METTL2A: variants seen among roughly 807,000 people sequenced by gnomAD.
The protein encoded by METTL2A is methyltransferase 2A, tRNA N3-cytidine.
In METTL2A, 45 loss-of-function variants were observed where a neutral mutation model predicts 49.4. The ratio of observed to expected loss-of-function variants is 0.91; its 90% CI spans 0.72 to 1.17. METTL2A has a LOEUF of 1.17. Among genes scored for constraint, METTL2A ranks in the 50% most tolerant of loss-of-function variants. The pLI is 0.00. For synonymous variants in METTL2A, 118 were observed against 167.5 expected (o/e 0.70, Z 2.28); for missense variants, 361 against 462.2 (o/e 0.78, Z 2.01).
chr17:62,452,706 C>T lies in METTL2A; in HGVS notation c.*3977C>T, dbSNP rs1162640062. Among the ~76,000 whole-genome samples, 1 of 152,190 alleles carries T rather than the reference C, an allele frequency of 6.6e-6. No individual in the cohort carries two copies. The highest frequency in any genetic ancestry group is 2.4e-5 in the African/African-American group (1 of 41,448). On this transcript the variant is annotated 3_prime_UTR_variant, in exon 9 of 9. Coordinates refer to ENST00000311506, the MANE Select transcript of METTL2A (RefSeq NM_181725.4). ...ACTGCTCACTGCAGCCTCGACCTCCCAGGCTCAGGTGATTCTCCCACCCCA... is the reference window on the plus strand; with the variant it reads ...ACTGCTCACTGCAGCCTCGACCTCCTAGGCTCAGGTGATTCTCCCACCCCA...
chr17:62,445,333 A>T (rs1191651792), intron 7 of METTL2A, among the ~76,000 whole-genome samples: 1 of 152,106 alleles, frequency 6.6e-6, no homozygotes, highest in Non-Finnish European at 1.5e-5. Flanking sequence ...TAATCAAAAA[A>T]TGGTGCTGCC....
At position 62,440,770 on chromosome 17, in the gene METTL2A, C is replaced by T. The variant is rs931392357; in HGVS notation, c.809+14C>T. 1 of 1,606,242 alleles carries T rather than the reference C, an allele frequency of 6.2e-7. No homozygotes were observed. The highest frequency in any genetic ancestry group is 8.5e-7 in the Non-Finnish European group (1 of 1,177,938). On this transcript the variant is annotated intron_variant, in intron 6 of 8. Transcript: ENST00000311506. ...TGTTCCAGACAAGTAAGTTTGGGTC[C>T]CTTGGCTGGTAGTGTCACAAAAAGG... is the stretch of plus-strand genomic sequence containing the variant.
rs370645522 is a variant in METTL2A, at chr17:62,427,741, A to T, written c.559-47A>T. 4.3e-6 allele frequency: 7 copies of T among 1,612,270 alleles called. No homozygotes were observed. The African/African-American group carries it at 8.0e-5, about 18-fold the overall frequency. On this transcript the variant is annotated intron_variant, in intron 3 of 8. Coordinates refer to ENST00000311506, the MANE Select transcript of METTL2A (RefSeq NM_181725.4). ...TTTCTAGCTTTTCTAGCTTTAGGGA[A>T]TTAACTCTGGAAAGTTCTGTGATTA...
chr17:62,430,505 C>T (rs1253782793), intron 4 of METTL2A, among the ~76,000 whole-genome samples: 1 of 152,120 alleles, frequency 6.6e-6, no homozygotes, highest in Non-Finnish European at 1.5e-5. Flanking sequence ...CAAGAGTGTG[C>T]CCTATAAAGT....
At position 62,440,741 on chromosome 17, in the gene METTL2A, C is replaced by T. The variant is rs202160522; in HGVS notation, c.794C>T (p.Ala265Val). 379 of 1,613,818 alleles carry T rather than the reference C, an allele frequency of 2.3e-4. No individual in the cohort carries two copies. The highest frequency in any genetic ancestry group is 3.1e-4 in the Non-Finnish European group (364 of 1,179,952). Residue 265 changes from alanine (A) to valine (V), a missense_variant, in exon 6 of 9, where the codon GCA (alanine) becomes GTA (valine). Ala to Val is a moderately conservative substitution (Grantham distance 64). Transcript: ENST00000311506. ...ATCATTCTCATATTTGTTCTTTCAG[C>T]AATTGTTCCAGACAAGTAAGTTTGG... The part of the protein sequence containing the change: ...DIIILIFVLS[A>V]IVPDKMQKAI...
Position 62,448,779 on chromosome 17 carries a change from T to TC in METTL2A, c.*50_*51insC. ...CAAGCCCATTGTGTTTCCGGGCTTTTTTAAAAAAAAAATTGTAGCACTGGG... is the reference window on the plus strand; with the variant it reads ...CAAGCCCATTGTGTTTCCGGGCTTTTCTTAAAAAAAAAATTGTAGCACTGGG... On this transcript the variant is annotated 3_prime_UTR_variant, in exon 9 of 9. Transcript: ENST00000311506. The TC allele has an allele frequency of 6.3e-7, 1 of 1,598,988 alleles. No individual in the cohort carries two copies. The highest frequency in any genetic ancestry group is 1.1e-5 in the South Asian group (1 of 89,300).
intron 7 of METTL2A, among the ~76,000 whole-genome samples, chr17:62,446,439 T>C (rs1217780398): frequency 6.6e-6 from 1 of 152,188 alleles, no homozygotes; most frequent in Non-Finnish European, 1.5e-5. Context: ...GCCTCCCGAA[T>C]AGCCGAGACT....
intron 4 of METTL2A, among the ~76,000 whole-genome samples, chr17:62,433,433 CA>C (rs567017864): frequency 1.0e-4 from 15 of 143,002 alleles, no homozygotes; most frequent in East Asian, 6.1e-4. Flanking sequence ...AACTCCATCT[CA>C]AAAAAAAAAG....
chr17:62,441,898 G>C (rs1210554299), intron 6 of METTL2A, among the ~76,000 whole-genome samples: 2 of 150,202 alleles, frequency 1.3e-5, no homozygotes, highest in Middle Eastern at 3.7e-3. Flanking sequence ...ACGCCACCAT[G>C]CCTGGCTAAT....
In METTL2A at chr17:62,448,652, C is replaced by T. The variant is rs528434306; in HGVS notation, c.1060C>T (p.Arg354Ter). 1.4e-5 allele frequency: 23 copies of T among 1,614,026 alleles called. No individual in the cohort carries two copies. Among genetic ancestry groups the T allele is most frequent in the Admixed American group, 5.0e-5 (3 of 59,968 alleles). Reference sequence around the variant, plus strand: ...GGTGGATCGCCGACTGCAGGTGAACCGAGGAAAGCAACTGACAATGTACCG... The same window carrying T: ...GGTGGATCGCCGACTGCAGGTGAACTGAGGAAAGCAACTGACAATGTACCG... ...NLVDRRLQVN[R>*]GKQLTMYRVW... The change falls in exon 9 of 9, where the codon CGA becomes TGA. Residue 354 changes from arginine (R) to a stop codon, truncating the protein, a stop_gained. Coordinates refer to ENST00000311506, the MANE Select transcript of METTL2A (RefSeq NM_181725.4). LOFTEE classifies it high-confidence loss of function.
chr17:62,425,460 C>A (rs1385326833), intron 2 of METTL2A, among the ~76,000 whole-genome samples: 2 of 142,466 alleles, frequency 1.4e-5, no homozygotes, highest in Admixed American at 1.5e-4. Context: ...GATCTCAGCT[C>A]GCTGCAATCT....
rs12601844 is a variant in METTL2A, at chr17:62,434,710, T to C, written c.609-522T>C. ...ACCAAGAAAAATAAGCACAGGGATT[T>C]TGTGTTGTTCATCTTTATCTCCTCA... On this transcript the variant is annotated intron_variant, in intron 4 of 8. Coordinates refer to ENST00000311506, the MANE Select transcript of METTL2A (RefSeq NM_181725.4). Among the ~76,000 whole-genome samples, 1,297 of 152,310 alleles carry C rather than the reference T, an allele frequency of 8.5e-3. 61 individuals carry two copies. In the East Asian group the frequency reaches 0.14, roughly 16 times the overall value.
At position 62,450,208 on chromosome 17, in the gene METTL2A, A is replaced by G. The variant is rs2070797007; in HGVS notation, c.*1479A>G. 7.0e-6 allele frequency: 1 copy of G among 142,940 alleles called. No individual in the cohort carries two copies. The highest frequency in any genetic ancestry group is 1.5e-5 in the Non-Finnish European group (1 of 67,108). The allele number at this position is 142,940 out of a possible 1,614,324, so 8.9% of individuals were successfully genotyped here. A position where few individuals can be genotyped will look rare whatever the true frequency, so the allele number is the denominator to read the frequency against. Reference sequence around the variant, plus strand: ...ACTTCTTAATTTTAACCACATCATCACTTCACTTCTGAATGTGATCATTAT... The same window carrying G: ...ACTTCTTAATTTTAACCACATCATCGCTTCACTTCTGAATGTGATCATTAT... On this transcript the variant is annotated 3_prime_UTR_variant, in exon 9 of 9. Transcript: ENST00000311506.
intron 3 of METTL2A, among the ~76,000 whole-genome samples, chr17:62,427,430 T>C (rs921385778): frequency 2.0e-5 from 3 of 152,202 alleles, no homozygotes; most frequent in Non-Finnish European, 4.4e-5. Context: ...GGTCCCCTTT[T>C]CATACATTTT....
chr17:62,436,207 C>T (rs528631053), intron 5 of METTL2A, among the ~76,000 whole-genome samples: 1 of 152,228 alleles, frequency 6.6e-6, no homozygotes, highest in Admixed American at 6.5e-5. Context: ...CGCGCCACTG[C>T]ACTCCAGCTA....
Position 62,438,888 on chromosome 17 carries a change from CTG to C in METTL2A, c.670-1726_670-1725del, listed in dbSNP as rs554685557. Among the ~76,000 whole-genome samples the C allele has an allele frequency of 3.9e-3, 587 of 151,694 alleles. 5 individuals carry two copies. The highest frequency in any genetic ancestry group is 3.5e-3 in the Non-Finnish European group (235 of 67,976). On this transcript the variant is annotated intron_variant, in intron 5 of 8. Coordinates refer to ENST00000311506, the MANE Select transcript of METTL2A (RefSeq NM_181725.4). ...GAGTGCGGTGGTACAATCAAACTCACTGTGGCCTTGATCTCCTGGGCTCAAGT... is the reference window on the plus strand; with the variant it reads ...GAGTGCGGTGGTACAATCAAACTCACTGGCCTTGATCTCCTGGGCTCAAGT...
rs1176807435 is a variant in METTL2A at position 62,427,838 on chromosome 17, G to A, written c.608+1G>A. 10 of 1,606,626 alleles carry A rather than the reference G, an allele frequency of 6.2e-6. No individual in the cohort carries two copies. The highest frequency in any genetic ancestry group is 2.2e-5 in the East Asian group (1 of 44,852). On this transcript the variant is annotated splice_donor_variant, in intron 4 of 8. Transcript: ENST00000311506. LOFTEE classifies it high-confidence loss of function. ...TCTTTCCAATTTTACAAACGAACAAGTAAGTATGTTGTAAAAGTTTATGAT... is the reference window on the plus strand; with the variant it reads ...TCTTTCCAATTTTACAAACGAACAAATAAGTATGTTGTAAAAGTTTATGAT...
chr17:62,424,774 T>C (rs1456659353), intron 2 of METTL2A, among the ~76,000 whole-genome samples: 2 of 151,744 alleles, frequency 1.3e-5, no homozygotes, highest in African/African-American at 4.8e-5. Flanking sequence ...GTTATGAGAA[T>C]TTAGGGCTTT....
At chr17:62,446,150 A>G (rs1401485260) in intron 7 of METTL2A, among the ~76,000 whole-genome samples, 1 of 151,822 alleles carries the variant, frequency 6.6e-6, no homozygotes, top group Non-Finnish European at 1.5e-5. Context: ...AGAAAAAGAA[A>G]TTGTTACAGC....
Sources: gnomAD v4.1 joint callset for allele counts (sites outside exome capture counted in the v4.1 genomes callset) on GRCh38, gnomAD v4.1.1 for gene constraint, MANE v1.5 for transcripts, NCBI Gene and HGNC (gene_info 2026-07-23, HGNC 2026-07-21) for gene names.